Variants in APBB2 observed in about 807,000 individuals in gnomAD.
APBB2 encodes the protein Fe65-like 1.
A neutral mutation model predicts 82.5 loss-of-function variants in APBB2; 38 were observed. The ratio of observed to expected loss-of-function variants is 0.46; its 90% CI spans 0.36 to 0.60. The LOEUF (loss-of-function observed/expected upper bound fraction) is 0.60. Ranked by LOEUF, APBB2 falls within the 20% of genes least tolerant of loss-of-function variation. The probability of loss-of-function intolerance (pLI) is 0.00; values close to 1 mark genes in which losing one functional copy is unlikely to be tolerated. For synonymous variants in APBB2, 341 were observed against 368.2 expected, an observed-to-expected ratio of 0.93 and a Z score of 0.85; for missense variants, 772 against 972.3, an observed-to-expected ratio of 0.79 and a Z score of 2.74.
At chr4:41,208,380 G>A (rs1471187412) in intron 1 of APBB2, among the ~76,000 whole-genome samples, 1 of 152,154 alleles carries the variant, frequency 6.6e-6, no homozygotes, top group Non-Finnish European at 1.5e-5. Context: ...TCCTGCCTCA[G>A]CCTCCTGAGT....
intron 12 of APBB2, chr4:40,880,681 C>T (rs761941418): frequency 6.1e-6 from 6 of 985,326 alleles, no homozygotes; most frequent in African/African-American, 1.7e-5. Flanking sequence ...AGATCTCCCT[C>T]GCTCTGCATC....
At chr4:40,871,984 G>A (rs1246843164) in intron 12 of APBB2, among the ~76,000 whole-genome samples, 3 of 152,228 alleles carry the variant, frequency 2.0e-5, no homozygotes, top group Admixed American at 2.0e-4. Flanking sequence ...AGACAGCACA[G>A]GGCATGGTGT....
chr4:40,957,457 G>A (rs1005073838), intron 6 of APBB2, among the ~76,000 whole-genome samples: 5 of 152,160 alleles, frequency 3.3e-5, no homozygotes, highest in East Asian at 3.8e-4. Flanking sequence ...TCATTAGCAC[G>A]TGGCTGTTTT....
At chr4:40,954,661 A>T (rs546035386) in intron 6 of APBB2, among the ~76,000 whole-genome samples, 1 of 151,988 alleles carries the variant, frequency 6.6e-6, no homozygotes, top group Non-Finnish European at 1.5e-5. Context: ...AAGAAAAGGT[A>T]CTCATTCTTT....
At chr4:40,937,752 T>G (rs1560329719) in intron 7 of APBB2, among the ~76,000 whole-genome samples, 1 of 152,248 alleles carries the variant, frequency 6.6e-6, no homozygotes, top group Non-Finnish European at 1.5e-5. Flanking sequence ...AATTTTTCTT[T>G]TTTAAAAAAT....
chr4:40,960,500 T>C (rs1329982055), intron 6 of APBB2, among the ~76,000 whole-genome samples: 1 of 141,266 alleles, frequency 7.1e-6, no homozygotes, highest in Non-Finnish European at 1.5e-5. Flanking sequence ...CAGGCTGGAG[T>C]GCAGTGGTGT....
intron 1 of APBB2, among the ~76,000 whole-genome samples, chr4:41,198,830 C>T (rs1019557225): frequency 1.3e-5 from 2 of 152,180 alleles, no homozygotes; most frequent in Non-Finnish European, 2.9e-5. Flanking sequence ...CCCAAGCATC[C>T]CTTGGTTTGT....
intron 10 of APBB2, among the ~76,000 whole-genome samples, chr4:40,917,128 C>T (rs2154366036): frequency 6.6e-6 from 1 of 152,284 alleles, no homozygotes; most frequent in East Asian, 1.9e-4. Flanking sequence ...TCTGAATGGA[C>T]CTGGGGTGGG....
chr4:40,857,986 C>G (rs1430221548), intron 12 of APBB2, among the ~76,000 whole-genome samples: 1 of 152,172 alleles, frequency 6.6e-6, no homozygotes, highest in African/African-American at 2.4e-5. Flanking sequence ...CCAATTTACA[C>G]AAAGCACTTA....
chr4:41,037,183 C>G (rs966368784), intron 4 of APBB2, among the ~76,000 whole-genome samples: 13 of 152,138 alleles, frequency 8.5e-5, no homozygotes, highest in African/African-American at 3.1e-4. Context: ...ACTTCCTCAA[C>G]TCTAAATTTT....
At chr4:41,143,542 G>A (rs1048848056) in intron 1 of APBB2, among the ~76,000 whole-genome samples, 5 of 152,150 alleles carry the variant, frequency 3.3e-5, no homozygotes, top group African/African-American at 9.7e-5. Flanking sequence ...ATTCCCCTTA[G>A]GAACTGAAAC....
chr4:41,081,235 C>G lies in APBB2; in HGVS notation c.-148-15562G>C, dbSNP rs143497899. Among the ~76,000 whole-genome samples, 26 of 152,288 alleles carry G rather than the reference C, an allele frequency of 1.7e-4. No individual in the cohort carries two copies. In the East Asian group the frequency reaches 4.4e-3, roughly 26 times the overall value. On this transcript the variant is annotated intron_variant, in intron 3 of 17. Transcript: ENST00000508593. ...CTTGCTTCATTTGAAGATCACACAA[C>G]AGGACAGTGATTCTGCACAGCAGTG... is the stretch of plus-strand genomic sequence containing the variant.
At chr4:40,899,613 G>A (rs1774693116) in intron 10 of APBB2, among the ~76,000 whole-genome samples, 1 of 152,214 alleles carries the variant, frequency 6.6e-6, no homozygotes, top group Admixed American at 6.5e-5. Flanking sequence ...ATGAAGAAGG[G>A]CAAGTGGCTG....
chr4:41,102,824 G>C (rs148628524), intron 2 of APBB2, among the ~76,000 whole-genome samples: 1 of 152,170 alleles, frequency 6.6e-6, no homozygotes, highest in African/African-American at 2.4e-5. Flanking sequence ...CACTATTTAT[G>C]TATTTAACCA....
intron 6 of APBB2, among the ~76,000 whole-genome samples, chr4:40,958,313 T>C (rs954522874): frequency 1.3e-5 from 2 of 152,158 alleles, no homozygotes; most frequent in African/African-American, 4.8e-5. Flanking sequence ...CCTTTTAGAG[T>C]GTGCACATAG....
Position 41,123,416 on chromosome 4 carries a change from AG to A in APBB2, c.-261+19570del, listed in dbSNP as rs1753467542. On this transcript the variant is annotated intron_variant, in intron 2 of 17. Coordinates refer to ENST00000508593, the MANE Select transcript of APBB2 (RefSeq NM_004307.2). ...GGTTATCTTTTGCAGATTACATTGAAGGGATTCTGTTTCTATTAAAAGATGA... is the reference window on the plus strand; with the variant it reads ...GGTTATCTTTTGCAGATTACATTGAAGGATTCTGTTTCTATTAAAAGATGA... Among the ~76,000 whole-genome samples the A allele has an allele frequency of 2.6e-5, 4 of 152,314 alleles. No individual in the cohort carries two copies. The South Asian group carries it at 8.3e-4, about 32-fold the overall frequency.
chr4:41,093,990 A>T (rs772630774), intron 3 of APBB2, among the ~76,000 whole-genome samples: 18 of 152,236 alleles, frequency 1.2e-4, no homozygotes, highest in Non-Finnish European at 2.5e-4. Context: ...GCAGGCACCA[A>T]ACAAGAGTGA....
At chr4:40,890,253 G>T (rs1771578092) in intron 12 of APBB2, 111 bp downstream of exon 12, 2 of 1,385,964 alleles carry the variant, frequency 1.4e-6, no homozygotes, top group Non-Finnish European at 1.9e-6. Context: ...TTTCTATATA[G>T]AAGCTACATG....
intron 12 of APBB2, among the ~76,000 whole-genome samples, chr4:40,861,816 C>T (rs1400359892): frequency 1.8e-5 from 1 of 54,588 alleles, no homozygotes; most frequent in Non-Finnish European, 3.5e-5. Context: ...CTATTGTTTT[C>T]TTTTTTCTTT....
Sources: allele counts gnomAD v4.1 joint callset (sites outside exome capture counted in the v4.1 genomes callset), GRCh38; gene constraint gnomAD v4.1.1; transcripts MANE v1.5; gene names NCBI Gene and HGNC (gene_info 2026-07-23, HGNC 2026-07-21).